BCKDHB: variants seen among roughly 807,000 people sequenced by gnomAD.
BCKDHB encodes the protein 2-oxoisovalerate dehydrogenase subunit beta, mitochondrial.
In BCKDHB, 41 loss-of-function variants were observed where a neutral mutation model predicts 48.5. The ratio of observed to expected loss-of-function variants is 0.85; its 90% CI spans 0.66 to 1.10. BCKDHB has a LOEUF of 1.10. Among genes scored for constraint, BCKDHB ranks in the 50% least tolerant of loss-of-function variants. The probability of loss-of-function intolerance (pLI) is 0.00; values close to 1 mark genes in which losing one functional copy is unlikely to be tolerated. For missense variants in BCKDHB, 496 were observed against 494.2 expected (o/e 1.00, Z -0.03); for synonymous variants, 201 against 174.8 (o/e 1.15, Z -1.18).
intron 1 of BCKDHB, among the ~76,000 whole-genome samples, chr6:80,121,457 A>G (rs375529724): frequency 2.0e-5 from 3 of 152,328 alleles, no homozygotes; most frequent in East Asian, 1.9e-4. Flanking sequence ...TTTGGACAGT[A>G]TGGCCATTTT....
chr6:80,348,379 G>T (rs1770299549), downstream of BCKDHB, among the ~76,000 whole-genome samples: 1 of 152,222 alleles, frequency 6.6e-6, no homozygotes, highest in African/African-American at 2.4e-5. Flanking sequence ...GTGGATACAT[G>T]TGGTTTCTGG....
At chr6:80,369,936 GTTA>G in the BCKDHB span, among the ~76,000 whole-genome samples, 1 of 64,780 alleles carries the variant, frequency 1.5e-5, no homozygotes, top group Admixed American at 2.9e-4. Flanking sequence ...TTTATGATAT[GTTA>G]TAGTAATCCT....
intron 6 of BCKDHB, among the ~76,000 whole-genome samples, chr6:80,186,927 C>T (rs548191492): frequency 6.6e-6 from 1 of 152,182 alleles, no homozygotes; most frequent in African/African-American, 2.4e-5. Flanking sequence ...CAGACTTTTC[C>T]CCCACTCACA....
chr6:80,133,880 T>G (rs1176217347), intron 3 of BCKDHB, among the ~76,000 whole-genome samples: 1 of 152,088 alleles, frequency 6.6e-6, no homozygotes, highest in African/African-American at 2.4e-5. Flanking sequence ...TGACCTCAGG[T>G]GATCTGCCTC....
the BCKDHB span, among the ~76,000 whole-genome samples, chr6:80,439,244 G>A: frequency 6.6e-6 from 1 of 152,080 alleles, no homozygotes; most frequent in Non-Finnish European, 1.5e-5. Flanking sequence ...ATGGCAAAAG[G>A]GAAGAACAGA....
chr6:80,179,387 C>T (rs1045008551), intron 6 of BCKDHB, among the ~76,000 whole-genome samples: 16 of 152,240 alleles, frequency 1.1e-4, no homozygotes, highest in Non-Finnish European at 4.4e-5. Context: ...TTACACTGAA[C>T]ATGTACAGGC....
At chr6:80,281,496 T>A (rs1385291191) in intron 9 of BCKDHB, among the ~76,000 whole-genome samples, 1 of 152,150 alleles carries the variant, frequency 6.6e-6, no homozygotes, top group African/African-American at 2.4e-5. Context: ...TGGTGACTGA[T>A]GAAAACAGAA....
intron 9 of BCKDHB, among the ~76,000 whole-genome samples, chr6:80,308,744 G>A (rs1332778348): frequency 1.3e-5 from 2 of 151,724 alleles, no homozygotes; most frequent in Admixed American, 6.6e-5. Flanking sequence ...ACAGGCGCCC[G>A]CCACCACGCC....
intron 8 of BCKDHB, among the ~76,000 whole-genome samples, chr6:80,255,002 C>G (rs191923539): frequency 6.6e-6 from 1 of 152,298 alleles, no homozygotes; most frequent in East Asian, 1.9e-4. Flanking sequence ...GAAACAACAG[C>G]TTCATTGTTA....
chr6:80,111,059 C>G (rs1356207689), intron 1 of BCKDHB, among the ~76,000 whole-genome samples: 1 of 152,150 alleles, frequency 6.6e-6, no homozygotes, highest in African/African-American at 2.4e-5. Flanking sequence ...GCCTGGGCAG[C>G]TTGATACTAC....
chr6:80,395,369 A>T, the BCKDHB span, among the ~76,000 whole-genome samples: 1 of 152,230 alleles, frequency 6.6e-6, no homozygotes, highest in Non-Finnish European at 1.5e-5. Context: ...TGATAGTAAG[A>T]TGGACAATGA....
At chr6:80,210,155 C>G (rs1039132720) in intron 8 of BCKDHB, among the ~76,000 whole-genome samples, 1 of 134,006 alleles carries the variant, frequency 7.5e-6, no homozygotes, top group African/African-American at 2.7e-5. Flanking sequence ...AAAAAAAAAA[C>G]CAGAAGCGTT....
chr6:80,203,547 T>C (rs1774499889), intron 8 of BCKDHB, among the ~76,000 whole-genome samples: 1 of 152,118 alleles, frequency 6.6e-6, no homozygotes, highest in East Asian at 1.9e-4. Flanking sequence ...TTATTAGTTA[T>C]GGTTCAGTAA....
chr6:80,315,387 C>A (rs1457142880), intron 9 of BCKDHB, among the ~76,000 whole-genome samples: 2 of 152,104 alleles, frequency 1.3e-5, no homozygotes, highest in Non-Finnish European at 2.9e-5. Context: ...TGGGGGTTCC[C>A]TTGACTACAT....
At chr6:80,114,669 G>A (rs1011465465) in intron 1 of BCKDHB, among the ~76,000 whole-genome samples, 2 of 152,204 alleles carry the variant, frequency 1.3e-5, no homozygotes, top group African/African-American at 4.8e-5. Context: ...AACCTGGGTG[G>A]AGGGTAGTGC....
At chr6:80,131,904 G>A (rs1282812206) in intron 3 of BCKDHB, among the ~76,000 whole-genome samples, 1 of 152,104 alleles carries the variant, frequency 6.6e-6, no homozygotes, top group African/African-American at 2.4e-5. Context: ...GCCTCCCTAA[G>A]TGCTGGGATT....
chr6:80,169,865 G>A (rs746956909), intron 5 of BCKDHB: 13 of 1,605,088 alleles, frequency 8.1e-6, no homozygotes, highest in Middle Eastern at 3.3e-4. Flanking sequence ...TTTTGAATGT[G>A]AGCTAGAAGT....
At chr6:80,221,936 C>T (rs986327327) in intron 8 of BCKDHB, among the ~76,000 whole-genome samples, 3 of 152,104 alleles carry the variant, frequency 2.0e-5, no homozygotes, top group Non-Finnish European at 4.4e-5. Context: ...AATGGCGTTT[C>T]CTAATTTTAT....
At chr6:80,384,143 A>C in the BCKDHB span, among the ~76,000 whole-genome samples, 1 of 152,104 alleles carries the variant, frequency 6.6e-6, no homozygotes, top group African/African-American at 2.4e-5. Flanking sequence ...TTGTCAAAGG[A>C]GATTAACATT....
Sources: allele counts gnomAD v4.1 joint callset (sites outside exome capture counted in the v4.1 genomes callset), GRCh38; gene constraint gnomAD v4.1.1; transcripts MANE v1.5; gene names NCBI Gene and HGNC (gene_info 2026-07-23, HGNC 2026-07-21).